FTO: variants seen among roughly 807,000 people sequenced by gnomAD.
FTO encodes FTO alpha-ketoglutarate dependent dioxygenase, also known as alpha-ketoglutarate-dependent dioxygenase FTO.
A neutral mutation model predicts 63.9 loss-of-function variants in FTO; 47 were observed. The observed-to-expected ratio is 0.74, with a 90% confidence interval of 0.58 to 0.94. The LOEUF (loss-of-function observed/expected upper bound fraction) is 0.94, where lower values mean the gene tolerates loss of function less well. FTO is among the 40% of genes least tolerant of loss of function. The pLI, the probability that FTO is intolerant of heterozygous loss-of-function variation, is 0.00. For missense variants in FTO, 562 were observed against 618.1 expected (o/e 0.91, Z 0.96); for synonymous variants, 207 against 224.4 (o/e 0.92, Z 0.69).
chr16:53,969,527 A>G (rs1417890248), intron 8 of FTO, among the ~76,000 whole-genome samples: 1 of 152,202 alleles, frequency 6.6e-6, no homozygotes, highest in Non-Finnish European at 1.5e-5. Flanking sequence ...GTAAATGAAC[A>G]TAATATATAC....
At chr16:53,762,011 A>G (rs548232145) in intron 1 of FTO, among the ~76,000 whole-genome samples, 4 of 152,304 alleles carry the variant, frequency 2.6e-5, no homozygotes, top group African/African-American at 9.6e-5. Context: ...TAAAAATGTC[A>G]TTGGTTTATA....
At chr16:53,815,641 T>TCTTG (rs199709722) in intron 2 of FTO, among the ~76,000 whole-genome samples, 10 of 28,822 alleles carry the variant, frequency 3.5e-4, no homozygotes, top group African/African-American at 9.4e-4. Context: ...TTCTTGTTTT[T>TCTTG]TTTTTTTTTT....
chr16:53,953,159 G>T (rs1567468961), intron 8 of FTO, among the ~76,000 whole-genome samples: 1 of 152,156 alleles, frequency 6.6e-6, no homozygotes, highest in South Asian at 2.1e-4. Context: ...TTGTCATTTC[G>T]ACTTGAAGCC....
intron 1 of FTO, among the ~76,000 whole-genome samples, chr16:53,805,208 G>T (rs1005791847): frequency 1.3e-5 from 2 of 152,186 alleles, no homozygotes; most frequent in African/African-American, 2.4e-5. Flanking sequence ...CACGGCTGAA[G>T]AGTCAGGAGT....
At chr16:53,869,507 T>C (rs2080431710) in intron 4 of FTO, among the ~76,000 whole-genome samples, 1 of 151,842 alleles carries the variant, frequency 6.6e-6, no homozygotes, top group Non-Finnish European at 1.5e-5. Flanking sequence ...CCATTATACA[T>C]ATATTACACC....
chr16:54,053,224 C>T (rs1281616280), intron 8 of FTO, among the ~76,000 whole-genome samples: 5 of 152,176 alleles, frequency 3.3e-5, no homozygotes, highest in African/African-American at 1.2e-4. Flanking sequence ...CCAGCTTTCA[C>T]CTTTGCTCAT....
chr16:53,932,098 G>A (rs759746976), intron 7 of FTO, among the ~76,000 whole-genome samples: 1 of 152,088 alleles, frequency 6.6e-6, no homozygotes, highest in Non-Finnish European at 1.5e-5. Flanking sequence ...ATTTGAATTT[G>A]CAACCTGTGG....
At chr16:53,963,021 C>A (rs189591305) in intron 8 of FTO, among the ~76,000 whole-genome samples, 3 of 151,778 alleles carry the variant, frequency 2.0e-5, no homozygotes, top group Admixed American at 2.0e-4. Context: ...TAAACTAAGA[C>A]TAATCTTTAT....
chr16:54,005,496 G>T (rs1394947191), intron 8 of FTO, among the ~76,000 whole-genome samples: 1 of 151,442 alleles, frequency 6.6e-6, no homozygotes, highest in Non-Finnish European at 1.5e-5. Context: ...ACATAGCTGT[G>T]TCCCAAATAC....
intron 1 of FTO, among the ~76,000 whole-genome samples, chr16:53,772,629 C>G (rs1394969133): frequency 6.6e-6 from 1 of 152,082 alleles, no homozygotes; most frequent in East Asian, 1.9e-4. Context: ...TTCACTAGAC[C>G]ATTAGCTTGA....
chr16:54,059,900 TTTG>T (rs1351594572), intron 8 of FTO, among the ~76,000 whole-genome samples: 1 of 141,342 alleles, frequency 7.1e-6, no homozygotes, highest in African/African-American at 3.1e-5. Context: ...TTAGTTTTTT[TTTG>T]TTTTTTGTTT....
intron 6 of FTO, chr16:53,887,819 A>G (rs2081040307): frequency 6.6e-6 from 1 of 152,146 alleles, no homozygotes; most frequent in African/African-American, 2.4e-5. Flanking sequence ...TGAGTTGACA[A>G]GTGACAATTT....
chr16:54,108,433 T>C (rs2144623190), intron 8 of FTO, among the ~76,000 whole-genome samples: 1 of 152,258 alleles, frequency 6.6e-6, no homozygotes, highest in East Asian at 1.9e-4. Flanking sequence ...TCTTGGAATG[T>C]CAAAATGTGA....
chr16:53,742,051 G>A (rs1029427045), intron 1 of FTO, among the ~76,000 whole-genome samples: 1 of 152,102 alleles, frequency 6.6e-6, no homozygotes, highest in African/African-American at 2.4e-5. Context: ...AGAGTGGGGG[G>A]TAGGTTACAG....
intron 4 of FTO, among the ~76,000 whole-genome samples, chr16:53,857,658 C>T (rs1048801659): frequency 6.6e-6 from 1 of 152,134 alleles, no homozygotes; most frequent in East Asian, 1.9e-4. Flanking sequence ...CTTCATTCTC[C>T]TTCCCCCACA....
intron 8 of FTO, chr16:53,937,468 G>A (rs1296506069): frequency 5.1e-6 from 2 of 389,640 alleles, no homozygotes; most frequent in African/African-American, 4.1e-5. Flanking sequence ...TAAACTCTGA[G>A]GTTCTTAGGG....
intron 8 of FTO, chr16:53,965,666 T>C (rs1409248104): frequency 6.6e-6 from 1 of 152,190 alleles, no homozygotes; most frequent in South Asian, 2.1e-4. Context: ...TATCTCATGC[T>C]GTACCTGTGA....
chr16:53,886,782 T>G (rs1479808581), intron 6 of FTO: 2 of 152,214 alleles, frequency 1.3e-5, no homozygotes, highest in Non-Finnish European at 2.9e-5. Context: ...CACAAGTTGC[T>G]TTTGTTTGCC....
chr16:53,968,591 C>G (rs1396291211), intron 8 of FTO, among the ~76,000 whole-genome samples: 6 of 152,206 alleles, frequency 3.9e-5, no homozygotes, highest in Non-Finnish European at 8.8e-5. Flanking sequence ...TAGACATTAA[C>G]ACTCTCGGAC....
Sources: gnomAD v4.1 joint callset for allele counts (sites outside exome capture counted in the v4.1 genomes callset) on GRCh38, gnomAD v4.1.1 for gene constraint, MANE v1.5 for transcripts, NCBI Gene and HGNC (gene_info 2026-07-23, HGNC 2026-07-21) for gene names.